Variants in REG3A observed in about 807,000 individuals in gnomAD.
The protein encoded by REG3A is regenerating family member 3 alpha.
In REG3A, 15 loss-of-function variants were observed where a neutral mutation model predicts 20.5. The observed-to-expected ratio is 0.73, with a 90% confidence interval of 0.49 to 1.12. The LOEUF is 1.12. REG3A is among the 50% of genes most tolerant of loss of function. The pLI is 0.00. For missense variants in REG3A, 224 were observed against 213.1 expected (o/e 1.05, Z -0.32); for synonymous variants, 93 against 83.2 (o/e 1.12, Z -0.64).
chr2:79,158,622 C>A (rs773556279), intron 3 of REG3A, 29 bp downstream of exon 3: 4 of 1,612,144 alleles, frequency 2.5e-6, no homozygotes, highest in South Asian at 1.1e-5. Context: ...TGAGACCGGT[C>A]ACCTCCAACA....
intron 4 of REG3A, among the ~76,000 whole-genome samples, chr2:79,158,077 C>A (rs1388074209): frequency 6.6e-6 from 1 of 152,160 alleles, no homozygotes; most frequent in African/African-American, 2.4e-5. Context: ...GAATTGTTAA[C>A]CCAGCCTCAT....
intron 2 of REG3A, 99 bp from the exon 3 acceptor site, chr2:79,158,868 C>G (rs563327404): frequency 9.2e-6 from 8 of 874,136 alleles, no homozygotes; most frequent in Non-Finnish European, 1.4e-5. Flanking sequence ...GGGAGGAAGA[C>G]CACATTCCTG....
chr2:79,158,917 T>C (rs1673383358), intron 2 of REG3A, 148 bp from the exon 3 acceptor site: 1 of 643,622 alleles, frequency 1.6e-6, no homozygotes, highest in African/African-American at 1.8e-5. Flanking sequence ...AGAAATTCTT[T>C]ATCTCAAAAT....
Position 79,158,785 on chromosome 2 carries a change from A to T in REG3A, c.77-16T>A. On this transcript the variant is annotated splice_polypyrimidine_tract_variant and intron_variant, in intron 2 of 5. Transcript: ENST00000305165. The stretch of plus-strand genomic sequence containing the variant: ...GGTTCTTCACCTGAGGTGGAAGAAG[A>T]GGGGGGAGGGTAAAATGAAGAGTGG... 19 of 1,532,954 alleles carry T rather than the reference A, an allele frequency of 1.2e-5. No individual in the cohort carries two copies. Among genetic ancestry groups the T allele is most frequent in the Non-Finnish European group, 1.4e-5 (16 of 1,108,820 alleles). 95.0% of individuals were successfully genotyped at this position (1,532,954 alleles called of 1,614,324 possible).
Position 79,157,065 on chromosome 2 carries a change from C to G in REG3A, c.*161G>C, listed in dbSNP as rs572545678. On this transcript the variant is annotated 3_prime_UTR_variant, in exon 6 of 6. Coordinates refer to ENST00000305165, the MANE Select transcript of REG3A (RefSeq NM_002580.3). Reference sequence around the variant, plus strand: ...TAGGCCGTATGACAAAATGAAGAGACTGAAATGACAGCGGGGAGGAAGAAA... The same window carrying G: ...TAGGCCGTATGACAAAATGAAGAGAGTGAAATGACAGCGGGGAGGAAGAAA... The G allele has an allele frequency of 2.6e-4, 165 of 642,872 alleles. No individual in the cohort carries two copies. The highest frequency in any genetic ancestry group is 9.5e-4 in the Admixed American group (35 of 36,848). The allele number at this position is 642,872 out of a possible 1,614,324, so 39.8% of individuals were successfully genotyped here.
chr2:79,158,789 G>T lies in REG3A; in HGVS notation c.77-20C>A. On this transcript the variant is annotated intron_variant, in intron 2 of 5. Transcript: ENST00000305165. ...CTTCACCTGAGGTGGAAGAAGAGGG[G>T]GGAGGGTAAAATGAAGAGTGGGGCT... 1 of 1,598,364 alleles carries T rather than the reference G, an allele frequency of 6.3e-7. No homozygotes were observed. The highest frequency in any genetic ancestry group is 2.2e-5 in the East Asian group (1 of 44,722).
chr2:79,159,320 G>C lies in REG3A; in HGVS notation c.76+10C>G, dbSNP rs765224350. ...TAGGGAACCCAGTGCTAGAGGCAAA[G>C]CAATCTCACCTTGAACCTGAGACAG... On this transcript the variant is annotated intron_variant, in intron 2 of 5. Transcript: ENST00000305165. The C allele has an allele frequency of 3.1e-6, 5 of 1,613,806 alleles. No individual in the cohort carries two copies. The South Asian group carries it at 5.5e-5, about 18-fold the overall frequency.
intron 2 of REG3A, 26 bp downstream of exon 2, chr2:79,159,304 C>T (rs562358530): frequency 6.2e-7 from 1 of 1,612,452 alleles, no homozygotes; most frequent in South Asian, 1.1e-5. Flanking sequence ...ATAGGGAACC[C>T]AGTGCTAGAG....
Position 79,157,310 on chromosome 2 carries a change from C to T in REG3A, c.461-17G>A, listed in dbSNP as rs1237713638. On this transcript the variant is annotated splice_polypyrimidine_tract_variant and intron_variant, in intron 5 of 5. Coordinates refer to ENST00000305165, the MANE Select transcript of REG3A (RefSeq NM_002580.3). Reference sequence around the variant, plus strand: ...TCAGAAATGCTGGAGAGACAGAAGACATAAATGGAATGGGGCTGAGGAAGC... The same window carrying T: ...TCAGAAATGCTGGAGAGACAGAAGATATAAATGGAATGGGGCTGAGGAAGC... The T allele has an allele frequency of 4.3e-6, 7 of 1,610,918 alleles. No individual in the cohort carries two copies. The highest frequency in any genetic ancestry group is 5.9e-6 in the Non-Finnish European group (7 of 1,177,234).
At chr2:79,157,529 G>A (rs772804368) in intron 5 of REG3A, 43 bp downstream of exon 5, 19 of 1,605,330 alleles carry the variant, frequency 1.2e-5, no homozygotes, top group Non-Finnish European at 1.6e-5. Context: ...AATGGGGGAT[G>A]AGATGGAAAA....
Position 79,158,389 on chromosome 2 carries a change from G to A in REG3A, c.270C>T (p.Ser90=), listed in dbSNP as rs1479109747. Residue 90 remains serine (S), a synonymous_variant, in exon 4 of 6, where the codon TCC becomes TCT. Transcript: ENST00000305165. ...AGCTGTTACCAATGCTCTTCACCAG[G>A]GAGGACACGAAGGATCCCTCAGCCC... The part of the protein sequence containing the change: ...LSGAEGSFVS[S]LVKSIGNSYS... 6.2e-7 allele frequency: 1 copy of A among 1,614,102 alleles called. No homozygotes were observed. Among genetic ancestry groups the A allele is most frequent in the African/African-American group, 1.3e-5 (1 of 75,016 alleles).
intron 2 of REG3A, 97 bp downstream of exon 2, chr2:79,159,233 C>A (rs902320025): frequency 1.3e-5 from 17 of 1,313,494 alleles, no homozygotes; most frequent in Non-Finnish European, 1.9e-5. Context: ...TCATTAGACA[C>A]CACGTCATTA....
intron 2 of REG3A, 51 bp downstream of exon 2, chr2:79,159,279 T>C (rs1246333587): frequency 1.3e-6 from 2 of 1,583,320 alleles, no homozygotes; most frequent in South Asian, 2.2e-5. Context: ...CTCCTCTTGT[T>C]AGCTCTGAGG....
rs150805284 is a variant in REG3A at position 79,158,650 on chromosome 2, C to T, written c.195+1G>A. The T allele has an allele frequency of 1.1e-5, 18 of 1,614,000 alleles. No homozygotes were observed. The African/African-American group carries it at 2.3e-4, about 20-fold the overall frequency. On this transcript the variant is annotated splice_donor_variant, in intron 3 of 5. Transcript: ENST00000305165. LOFTEE classifies it high-confidence loss of function. ...CTCCAACACCACATCTAACCACTCACATCTGCATCTGTCCAGGATTTTGGT... is the reference window on the plus strand; with the variant it reads ...CTCCAACACCACATCTAACCACTCATATCTGCATCTGTCCAGGATTTTGGT...
At position 79,157,690 on chromosome 2, in the gene REG3A, C is replaced by A. The variant is rs921025329; in HGVS notation, c.342G>T (p.Glu114Asp). The A allele has an allele frequency of 6.2e-7, 1 of 1,613,722 alleles. No homozygotes were observed. Among genetic ancestry groups the A allele is most frequent in the Non-Finnish European group, 8.5e-7 (1 of 1,179,824 alleles). ...TCCACTCCCAACCTTCTCCATTGGG[C>A]TCGGTGCCCTGTAGAGTAGAGGAGG... ...IGLHDPTQGTEPNGEGWEWSS... is the reference protein window; with the variant it reads ...IGLHDPTQGTDPNGEGWEWSS... Residue 114 changes from glutamate to aspartate, a missense_variant, in exon 5 of 6, where the codon GAG (glutamate) becomes GAT (aspartate). By Grantham distance (45) the Glu-to-Asp change is conservative. Transcript: ENST00000305165.
At chr2:79,157,526 G>A (rs778202879) in intron 5 of REG3A, 46 bp downstream of exon 5, 7 of 1,604,218 alleles carry the variant, frequency 4.4e-6, no homozygotes, top group Middle Eastern at 1.7e-4. Context: ...AGGAATGGGG[G>A]ATGAGATGGA....
Position 79,159,221 on chromosome 2 carries a change from G to T in REG3A, c.76+109C>A, listed in dbSNP as rs1572958124. 5.9e-6 allele frequency: 7 copies of T among 1,183,698 alleles called. No homozygotes were observed. The East Asian group carries it at 7.1e-5, about 12-fold the overall frequency. 73.3% of individuals were successfully genotyped at this position (1,183,698 alleles called of 1,614,324 possible). A position where few individuals can be genotyped will look rare whatever the true frequency, so the allele number is the denominator to read the frequency against. ...GAGATGATGCAAGAACTGCAGGCAG[G>T]TTCATTAGACACCACGTCATTACCT... On this transcript the variant is annotated intron_variant, in intron 2 of 5. Coordinates refer to ENST00000305165, the MANE Select transcript of REG3A (RefSeq NM_002580.3).
At chr2:79,159,541 CA>C in intron 1 of REG3A, 102 bp from the exon 2 acceptor site, 1 of 804,656 alleles carries the variant, frequency 1.2e-6, no homozygotes, top group Non-Finnish European at 2.1e-6. Flanking sequence ...TGGTCACATC[CA>C]TCATCTTCTA....
At chr2:79,158,194 C>A in intron 4 of REG3A, 132 bp downstream of exon 4, 1 of 1,094,904 alleles carries the variant, frequency 9.1e-7, no homozygotes, top group Non-Finnish European at 1.3e-6. Context: ...TCCCTTTCCC[C>A]CCAAATATTC....
Sources: allele counts gnomAD v4.1 joint callset (sites outside exome capture counted in the v4.1 genomes callset), GRCh38; gene constraint gnomAD v4.1.1; transcripts MANE v1.5; gene names NCBI Gene and HGNC (gene_info 2026-07-23, HGNC 2026-07-21).